The following ROBO1 variants were observed in gnomAD, a reference collection of about 807,000 sequenced individuals.
The protein encoded by ROBO1 is roundabout guidance receptor 1.
ROBO1 carries 149 observed loss-of-function variants against 195.9 expected under a neutral mutation model. That is an observed-to-expected ratio of 0.76 (90% CI 0.67 to 0.87). The LOEUF (loss-of-function observed/expected upper bound fraction) is 0.87. Ranked by LOEUF, ROBO1 falls within the 40% of genes least tolerant of loss-of-function variation. The probability of loss-of-function intolerance (pLI) is 0.00; values close to 1 mark genes in which losing one functional copy is unlikely to be tolerated. For synonymous variants in ROBO1, 816 were observed against 733.2 expected, an observed-to-expected ratio of 1.11 and a Z score of -1.82; for missense variants, 1,933 against 2,068.3, an observed-to-expected ratio of 0.93 and a Z score of 1.27.
At chr3:79,592,340 G>A (rs998858262) in intron 1 of ROBO1, among the ~76,000 whole-genome samples, 1 of 151,786 alleles carries the variant, frequency 6.6e-6, no homozygotes, top group Non-Finnish European at 1.5e-5. Flanking sequence ...ATATCTGTAA[G>A]GTATTACGAT....
At chr3:78,809,554 A>G (rs1383052964) in intron 4 of ROBO1, among the ~76,000 whole-genome samples, 1 of 150,102 alleles carries the variant, frequency 6.7e-6, no homozygotes, top group Non-Finnish European at 1.5e-5. Context: ...TGTTTATTGA[A>G]GCACTGTTCA....
At chr3:79,473,067 T>C (rs887238339) in intron 2 of ROBO1, among the ~76,000 whole-genome samples, 3 of 152,118 alleles carry the variant, frequency 2.0e-5, no homozygotes, top group African/African-American at 7.2e-5. Flanking sequence ...TATACCCAAG[T>C]CTAACCTCTA....
chr3:78,800,812 C>T (rs796909078), intron 4 of ROBO1, among the ~76,000 whole-genome samples: 11 of 152,240 alleles, frequency 7.2e-5, no homozygotes, highest in African/African-American at 2.4e-4. Context: ...AATCCGCCCA[C>T]CTCTGCCTCC....
intron 10 of ROBO1, among the ~76,000 whole-genome samples, chr3:78,672,861 G>T (rs1163217145): frequency 6.6e-6 from 1 of 152,100 alleles, no homozygotes; most frequent in Non-Finnish European, 1.5e-5. Context: ...GTAAGAATCA[G>T]AAATGTTTAA....
intron 1 of ROBO1, among the ~76,000 whole-genome samples, chr3:79,737,168 G>A (rs1703426833): frequency 6.6e-6 from 1 of 152,138 alleles, no homozygotes; most frequent in African/African-American, 2.4e-5. Context: ...CAATCCAAGA[G>A]AGTGCAATAT....
At chr3:78,788,340 G>A (rs1472371622) in intron 4 of ROBO1, among the ~76,000 whole-genome samples, 2 of 145,872 alleles carry the variant, frequency 1.4e-5, no homozygotes, top group East Asian at 2.1e-4. Context: ...GGATGGTCTC[G>A]ATCTCCTGAC....
At chr3:79,046,517 C>A (rs2078596913) in intron 3 of ROBO1, among the ~76,000 whole-genome samples, 1 of 151,936 alleles carries the variant, frequency 6.6e-6, no homozygotes, top group South Asian at 2.1e-4. Flanking sequence ...TCACAAGGTC[C>A]CACAATAGGC....
chr3:79,186,036 T>C (rs79385748), intron 2 of ROBO1, among the ~76,000 whole-genome samples: 14,253 of 152,108 alleles, frequency 0.094, 1,184 homozygotes, highest in African/African-American at 0.22. Flanking sequence ...TTTATTTTAA[T>C]GATGAGGAAT....
intron 27 of ROBO1, among the ~76,000 whole-genome samples, chr3:78,616,168 CTA>C (rs2107376748): frequency 6.6e-6 from 1 of 152,228 alleles, no homozygotes; most frequent in South Asian, 2.1e-4. Context: ...AATGTTATTT[CTA>C]TGTTTCGTCC....
intron 4 of ROBO1, among the ~76,000 whole-genome samples, chr3:78,773,698 A>C (rs1219709094): frequency 6.6e-6 from 1 of 152,208 alleles, no homozygotes; most frequent in Non-Finnish European, 1.5e-5. Flanking sequence ...GTCATGTGCT[A>C]GACAATCCCC....
At chr3:78,959,717 G>T (rs2107823723) in intron 3 of ROBO1, among the ~76,000 whole-genome samples, 1 of 152,214 alleles carries the variant, frequency 6.6e-6, no homozygotes, top group Non-Finnish European at 1.5e-5. Context: ...CCCACTATGT[G>T]ATCAACAAGA....
At chr3:79,635,655 TTGATTAGTAA>T (rs1945474412) in intron 1 of ROBO1, among the ~76,000 whole-genome samples, 1 of 152,180 alleles carries the variant, frequency 6.6e-6, no homozygotes, top group South Asian at 2.1e-4. Context: ...TATTACAGCT[TTGATTAGTAA>T]TAAAAGTGGT....
At chr3:78,739,036 G>A (rs1335455689) in intron 5 of ROBO1, among the ~76,000 whole-genome samples, 1 of 152,044 alleles carries the variant, frequency 6.6e-6, no homozygotes, top group Non-Finnish European at 1.5e-5. Context: ...AAACAACTCA[G>A]CATAACTTAT....
chr3:79,452,388 T>C (rs2039473952), intron 2 of ROBO1, among the ~76,000 whole-genome samples: 1 of 152,126 alleles, frequency 6.6e-6, no homozygotes, highest in South Asian at 2.1e-4. Flanking sequence ...AGGCCTTCTC[T>C]TATCTCCTAG....
intron 4 of ROBO1, among the ~76,000 whole-genome samples, chr3:78,862,412 G>A (rs143982818): frequency 1.3e-3 from 198 of 152,246 alleles, no homozygotes; most frequent in African/African-American, 4.5e-3. Context: ...AATAAGGAAC[G>A]CAGCCCTATC....
At chr3:79,179,882 A>G (rs2081312653) in intron 2 of ROBO1, among the ~76,000 whole-genome samples, 1 of 152,320 alleles carries the variant, frequency 6.6e-6, no homozygotes, top group South Asian at 2.1e-4. Flanking sequence ...TTAGTTTACA[A>G]TAGTTGCTTG....
intron 3 of ROBO1, among the ~76,000 whole-genome samples, chr3:79,101,445 G>A (rs138830640): frequency 2.0e-5 from 3 of 151,922 alleles, no homozygotes; most frequent in Non-Finnish European, 4.4e-5. Flanking sequence ...CTGAACAAGG[G>A]CATGATCCGT....
chr3:78,634,558 C>A, intron 23 of ROBO1: 1 of 308,810 alleles, frequency 3.2e-6, no homozygotes, highest in Non-Finnish European at 6.9e-6. Flanking sequence ...GCAGTATAAA[C>A]AATAAATCAG....
At chr3:78,740,817 A>G (rs2082513897) in intron 5 of ROBO1, among the ~76,000 whole-genome samples, 1 of 152,146 alleles carries the variant, frequency 6.6e-6, no homozygotes, top group African/African-American at 2.4e-5. Context: ...CTTATGCAGA[A>G]GAGCTAAATA....
Sources: allele counts gnomAD v4.1 joint callset (sites outside exome capture counted in the v4.1 genomes callset), GRCh38; gene constraint gnomAD v4.1.1; transcripts MANE v1.5; gene names NCBI Gene and HGNC (gene_info 2026-07-23, HGNC 2026-07-21).